RPAP2: variants seen among roughly 807,000 people sequenced by gnomAD.
RPAP2 encodes putative RNA polymerase II subunit B1 CTD phosphatase RPAP2.
A neutral mutation model predicts 73.1 loss-of-function variants in RPAP2; 52 were observed. That is an observed-to-expected ratio of 0.71 (90% CI 0.57 to 0.90). RPAP2 has a LOEUF of 0.90. RPAP2 is among the 40% of genes least tolerant of loss of function. RPAP2 has a pLI of 0.00. For missense variants in RPAP2, 598 were observed against 701.8 expected (o/e 0.85, Z 1.67); for synonymous variants, 225 against 242.1 (o/e 0.93, Z 0.65).
At chr1:92,349,267 T>C (rs1654077244) in intron 11 of RPAP2, among the ~76,000 whole-genome samples, 1 of 152,252 alleles carries the variant, frequency 6.6e-6, no homozygotes, top group South Asian at 2.1e-4. Context: ...AAGATGAATA[T>C]AAGATAATAT....
At chr1:92,333,357 A>C (rs916993372) in intron 8 of RPAP2, 34 bp from the exon 9 acceptor site, 6 of 1,507,446 alleles carry the variant, frequency 4.0e-6, no homozygotes, top group African/African-American at 2.7e-5. Flanking sequence ...TAAACTTATG[A>C]TTCTGTTTTG....
At chr1:92,370,356 G>T (rs1161039676) in intron 11 of RPAP2, among the ~76,000 whole-genome samples, 1 of 152,144 alleles carries the variant, frequency 6.6e-6, no homozygotes, top group African/African-American at 2.4e-5. Context: ...TCCCAATAGG[G>T]AGTAGTCAGA....
In RPAP2 at chr1:92,380,874, G is replaced by A. The variant is rs536241212; in HGVS notation, c.1838+1G>A. ...TTAGAACCAGCTGTTTACCAGAGTG[G>A]TAAGTTGGATTGTGTTTTATTTTGG... On this transcript the variant is annotated splice_donor_variant, in intron 12 of 12. Transcript: ENST00000610020. LOFTEE classifies it high-confidence loss of function. 55 of 1,559,240 alleles carry A rather than the reference G, an allele frequency of 3.5e-5. No individual in the cohort carries two copies. The highest frequency in any genetic ancestry group is 2.3e-4 in the Admixed American group (11 of 46,964).
intron 11 of RPAP2, among the ~76,000 whole-genome samples, chr1:92,351,409 A>C (rs560478085): frequency 2.8e-4 from 42 of 152,112 alleles, no homozygotes; most frequent in African/African-American, 9.4e-4. Context: ...TATATTCCTC[A>C]TAATTCCATG....
At chr1:92,312,814 T>C (rs1017602873) in intron 6 of RPAP2, among the ~76,000 whole-genome samples, 21 of 152,076 alleles carry the variant, frequency 1.4e-4, no homozygotes, top group Admixed American at 8.5e-4. Flanking sequence ...AATGTTCTTT[T>C]TTTTTTTTTC....
chr1:92,387,026 A>T lies in RPAP2; in HGVS notation c.*15A>T. Reference sequence around the variant, plus strand: ...TGCTTCACAGATATATTCCATGAAGACAAAATAGAAGATGAACTTCTATTC... The same window carrying T: ...TGCTTCACAGATATATTCCATGAAGTCAAAATAGAAGATGAACTTCTATTC... On this transcript the variant is annotated 3_prime_UTR_variant, in exon 13 of 13. Coordinates refer to ENST00000610020, the MANE Select transcript of RPAP2 (RefSeq NM_024813.3). 6.3e-7 allele frequency: 1 copy of T among 1,588,132 alleles called. No individual in the cohort carries two copies. Among genetic ancestry groups the T allele is most frequent in the Non-Finnish European group, 8.6e-7 (1 of 1,162,196 alleles).
chr1:92,316,899 A>G (rs1419211821), intron 6 of RPAP2, among the ~76,000 whole-genome samples: 1 of 152,216 alleles, frequency 6.6e-6, no homozygotes, highest in East Asian at 1.9e-4. Context: ...ACCATTCTTT[A>G]TAGATTGGGG....
At chr1:92,357,637 T>G (rs779608880) in intron 11 of RPAP2, among the ~76,000 whole-genome samples, 1 of 152,206 alleles carries the variant, frequency 6.6e-6, no homozygotes, top group African/African-American at 2.4e-5. Flanking sequence ...GTTCAAGTGA[T>G]TCTTGTGCCT....
intron 11 of RPAP2, among the ~76,000 whole-genome samples, chr1:92,365,961 G>C (rs1276121402): frequency 6.6e-6 from 1 of 152,080 alleles, no homozygotes; most frequent in African/African-American, 2.4e-5. Flanking sequence ...AAAGGTTGAA[G>C]ACCAACAAGT....
At chr1:92,310,414 G>A (rs905997787) in intron 6 of RPAP2, among the ~76,000 whole-genome samples, 22 of 152,096 alleles carry the variant, frequency 1.4e-4, no homozygotes, top group Admixed American at 1.3e-4. Context: ...TTTAAAGAAT[G>A]TCTGTTTACA....
At chr1:92,328,229 G>T (rs1652760129) in intron 8 of RPAP2, among the ~76,000 whole-genome samples, 1 of 152,144 alleles carries the variant, frequency 6.6e-6, no homozygotes, top group Non-Finnish European at 1.5e-5. Flanking sequence ...AGTTTTCCTT[G>T]ATTATTCCCT....
intron 11 of RPAP2, among the ~76,000 whole-genome samples, chr1:92,353,496 G>A (rs1004602864): frequency 3.3e-5 from 5 of 152,050 alleles, no homozygotes; most frequent in East Asian, 1.9e-4. Flanking sequence ...TACTATACAC[G>A]CAAAATGAGT....
intron 3 of RPAP2, 39 bp from the exon 4 acceptor site, chr1:92,303,938 A>G (rs779458636): frequency 1.6e-5 from 22 of 1,411,730 alleles, no homozygotes; most frequent in Non-Finnish European, 2.2e-5. Flanking sequence ...GAACTTTTCT[A>G]TTAAACTAGG....
intron 11 of RPAP2, among the ~76,000 whole-genome samples, chr1:92,372,713 A>C (rs1461178156): frequency 6.6e-6 from 1 of 152,186 alleles, no homozygotes; most frequent in Non-Finnish European, 1.5e-5. Flanking sequence ...CAGGAGTTCA[A>C]GACCACCCTG....
At chr1:92,306,192 A>G (rs1285252352) in intron 5 of RPAP2, among the ~76,000 whole-genome samples, 3 of 152,190 alleles carry the variant, frequency 2.0e-5, no homozygotes, top group Non-Finnish European at 2.9e-5. Flanking sequence ...ACAGAGACAG[A>G]AAGTAGAATG....
chr1:92,382,426 C>G (rs868412257), intron 12 of RPAP2, among the ~76,000 whole-genome samples: 4 of 151,928 alleles, frequency 2.6e-5, no homozygotes, highest in South Asian at 4.2e-4. Context: ...TCCTCTCCAG[C>G]ACCTGTTGTT....
intron 7 of RPAP2, 25 bp downstream of exon 7, chr1:92,320,659 C>T (rs376950873): frequency 6.4e-7 from 1 of 1,572,392 alleles, no homozygotes; most frequent in Non-Finnish European, 8.7e-7. Context: ...GTATCATTTA[C>T]CATTTATATA....
chr1:92,392,323 A>G lies in RPAP2; in HGVS notation c.*5312A>G, dbSNP rs990934724. 36 of 152,202 alleles carry G rather than the reference A, an allele frequency of 2.4e-4. No individual in the cohort carries two copies. Among genetic ancestry groups the G allele is most frequent in the Admixed American group, 2.4e-3 (36 of 15,278 alleles). 9.4% of individuals were successfully genotyped at this position (152,202 alleles called of 1,614,324 possible). The stretch of plus-strand genomic sequence containing the variant: ...ATAGATACAAAAAAGGCCTTCAACA[A>G]AATTCAACAGCCTTTCATGCTAAAA... On this transcript the variant is annotated 3_prime_UTR_variant, in exon 13 of 13. Coordinates refer to ENST00000610020, the MANE Select transcript of RPAP2 (RefSeq NM_024813.3).
chr1:92,386,140 T>A (rs189139705), intron 12 of RPAP2, among the ~76,000 whole-genome samples: 3 of 152,234 alleles, frequency 2.0e-5, no homozygotes, highest in African/African-American at 7.2e-5. Flanking sequence ...ACAGTCTTTT[T>A]GTATTAATAA....
Sources: allele counts gnomAD v4.1 joint callset (sites outside exome capture counted in the v4.1 genomes callset), GRCh38; gene constraint gnomAD v4.1.1; transcripts MANE v1.5; gene names NCBI Gene and HGNC (gene_info 2026-07-23, HGNC 2026-07-21).